The following CNTLN variants were observed in gnomAD, a reference collection of about 807,000 sequenced individuals.
The protein encoded by CNTLN is centlein.
A neutral mutation model predicts 180.0 loss-of-function variants in CNTLN; 212 were observed. The observed-to-expected ratio is 1.18, with a 90% CI of 1.05 to 1.32. The LOEUF (loss-of-function observed/expected upper bound fraction) is 1.32. Among genes scored for constraint, CNTLN ranks in the 40% most tolerant of loss-of-function variants. The probability of loss-of-function intolerance (pLI) is 0.00; values close to 1 mark genes in which losing one functional copy is unlikely to be tolerated. For synonymous variants in CNTLN, 722 were observed against 563.1 expected (o/e 1.28, Z -3.99); for missense variants, 2,095 against 1,610.9 (o/e 1.30, Z -5.14).
chr9:17,526,126 G>C, the CNTLN span, among the ~76,000 whole-genome samples: 1 of 151,936 alleles, frequency 6.6e-6, no homozygotes, highest in Non-Finnish European at 1.5e-5. Flanking sequence ...TAGTAGAGAC[G>C]GGATTTCACC....
At chr9:17,376,555 C>A (rs1824785360) in intron 13 of CNTLN, among the ~76,000 whole-genome samples, 1 of 151,896 alleles carries the variant, frequency 6.6e-6, no homozygotes, top group Admixed American at 6.6e-5. Context: ...GGGTTCACGC[C>A]GTTCTCCTGC....
intron 2 of CNTLN, among the ~76,000 whole-genome samples, chr9:17,215,865 A>T (rs1350877085): frequency 1.3e-5 from 2 of 152,102 alleles, no homozygotes; most frequent in Non-Finnish European, 2.9e-5. Flanking sequence ...CGCGGGGTAT[A>T]ATCTCCTGGT....
rs181009998 is a variant in CNTLN at position 17,500,195 on chromosome 9, G to A, written c.4120-2356G>A. 1.2e-4 allele frequency among the ~76,000 whole-genome samples: 19 copies of A among 152,312 alleles called. 1 individual carries two copies. The highest frequency in any genetic ancestry group is 1.2e-3 in the Admixed American group (18 of 15,300). On this transcript the variant is annotated intron_variant, in intron 25 of 25. Coordinates refer to ENST00000380647, the MANE Select transcript of CNTLN (RefSeq NM_017738.4). ...TCTAATAAAACAGGGTTGGCATACA[G>A]TTGTGTTTAACTCTGAGGCTTTGAG...
At chr9:17,153,157 A>C (rs1187457617) in intron 2 of CNTLN, among the ~76,000 whole-genome samples, 1 of 152,208 alleles carries the variant, frequency 6.6e-6, no homozygotes, top group African/African-American at 2.4e-5. Flanking sequence ...GCCCGTTTAC[A>C]TTTAAGGTTA....
chr9:17,316,399 C>G (rs1408923941), intron 8 of CNTLN, among the ~76,000 whole-genome samples: 1 of 151,922 alleles, frequency 6.6e-6, no homozygotes, highest in Non-Finnish European at 1.5e-5. Context: ...TCTTAAATTC[C>G]ACCTATAATT....
chr9:17,235,368 C>G (rs1420517624), intron 3 of CNTLN, among the ~76,000 whole-genome samples: 1 of 151,942 alleles, frequency 6.6e-6, no homozygotes, highest in African/African-American at 2.4e-5. Flanking sequence ...TTCGTAAAAT[C>G]TTGTTTTTCT....
chr9:17,332,587 C>G lies in CNTLN; in HGVS notation c.1519-18C>G. On this transcript the variant is annotated intron_variant, in intron 9 of 25. Transcript: ENST00000380647. ...AGTGTTCCAACTAGTTCAACCATGT[C>G]CTTGTTTTATTCTCGAGGAACCACC... The G allele has an allele frequency of 6.3e-7, 1 of 1,594,796 alleles. No individual in the cohort carries two copies. The highest frequency in any genetic ancestry group is 8.5e-7 in the Non-Finnish European group (1 of 1,171,962).
chr9:17,497,402 A>G (rs1303922195), intron 25 of CNTLN, among the ~76,000 whole-genome samples: 2 of 152,194 alleles, frequency 1.3e-5, no homozygotes, highest in Non-Finnish European at 2.9e-5. Flanking sequence ...TTTCTCTTCT[A>G]TCTTACATAA....
intron 2 of CNTLN, among the ~76,000 whole-genome samples, chr9:17,159,671 T>G (rs1325605850): frequency 6.6e-6 from 1 of 152,072 alleles, no homozygotes; most frequent in Non-Finnish European, 1.5e-5. Context: ...ACCCTCCAAC[T>G]GGGAACAGGA....
At chr9:17,284,962 T>C (rs1001025117) in intron 6 of CNTLN, among the ~76,000 whole-genome samples, 40 of 152,080 alleles carry the variant, frequency 2.6e-4, no homozygotes, top group African/African-American at 9.4e-4. Flanking sequence ...TGTCTCTTTG[T>C]TATCATTGGT....
intron 3 of CNTLN, among the ~76,000 whole-genome samples, chr9:17,231,692 C>T (rs984590390): frequency 2.0e-5 from 3 of 151,926 alleles, no homozygotes; most frequent in Non-Finnish European, 4.4e-5. Context: ...TTAATTACTG[C>T]TTTGTTTGTT....
chr9:17,447,617 A>T (rs1162715237), intron 18 of CNTLN: 2 of 153,132 alleles, frequency 1.3e-5, no homozygotes, highest in Non-Finnish European at 2.9e-5. Context: ...AACTGAATCA[A>T]ATATGAGTGG....
At chr9:17,355,293 G>C (rs1822743913) in intron 12 of CNTLN, among the ~76,000 whole-genome samples, 2 of 152,146 alleles carry the variant, frequency 1.3e-5, no homozygotes, top group African/African-American at 4.8e-5. Context: ...CCAAACTGCT[G>C]GGATTACAGG....
At chr9:17,479,216 C>A (rs1241309741) in intron 23 of CNTLN, among the ~76,000 whole-genome samples, 4 of 152,142 alleles carry the variant, frequency 2.6e-5, no homozygotes, top group Admixed American at 1.3e-4. Context: ...GAAGTGAAAT[C>A]ATGATCTTGA....
Position 17,308,493 on chromosome 9 carries a change from A to C in CNTLN, c.1147-565A>C, listed in dbSNP as rs148161744. 2.1e-3 allele frequency among the ~76,000 whole-genome samples: 318 copies of C among 152,232 alleles called. 4 individuals carry two copies. Among genetic ancestry groups the C allele is most frequent in the Admixed American group, 0.018 (277 of 15,280 alleles). Reference sequence around the variant, plus strand: ...AAATTATACTTAATAAGAATGTAGAATTCAACATTAATTAACTGTTAATGA... The same window carrying C: ...AAATTATACTTAATAAGAATGTAGACTTCAACATTAATTAACTGTTAATGA... On this transcript the variant is annotated intron_variant, in intron 7 of 25. Transcript: ENST00000380647.
At chr9:17,328,173 AT>A (rs1820428318) in intron 8 of CNTLN, among the ~76,000 whole-genome samples, 1 of 152,176 alleles carries the variant, frequency 6.6e-6, no homozygotes, top group African/African-American at 2.4e-5. Context: ...TATCATAGAT[AT>A]CTTTCCATTT....
chr9:17,514,632 T>C, the CNTLN span, among the ~76,000 whole-genome samples: 1 of 152,156 alleles, frequency 6.6e-6, no homozygotes, highest in Non-Finnish European at 1.5e-5. Context: ...TTTAGTTTAT[T>C]CAAAAAACAG....
intron 5 of CNTLN, among the ~76,000 whole-genome samples, chr9:17,268,988 G>A (rs142072634): frequency 1.3e-5 from 2 of 152,006 alleles, no homozygotes; most frequent in African/African-American, 2.4e-5. Flanking sequence ...TGTGCTTCCC[G>A]AGTTAGGCCA....
rs985367694 is a variant in CNTLN at position 17,289,450 on chromosome 9, T to G, written c.984-8740T>G. Among the ~76,000 whole-genome samples the G allele has an allele frequency of 5.4e-5, 7 of 130,278 alleles. 1 individual carries two copies. Among genetic ancestry groups the G allele is most frequent in the Non-Finnish European group, 1.1e-4 (7 of 63,888 alleles). 85.5% of individuals were successfully genotyped at this position (130,278 alleles called of 152,430 possible). ...TCTGGCTGCCCTTAACATTTTTTCC[T>G]TCATTTCAACTTTGGTGAATCTGAC... On this transcript the variant is annotated intron_variant, in intron 6 of 25. Coordinates refer to ENST00000380647, the MANE Select transcript of CNTLN (RefSeq NM_017738.4).
Sources: allele counts gnomAD v4.1 joint callset (sites outside exome capture counted in the v4.1 genomes callset), GRCh38; gene constraint gnomAD v4.1.1; transcripts MANE v1.5; gene names NCBI Gene and HGNC (gene_info 2026-07-23, HGNC 2026-07-21).